Variants in AKT3 observed in about 807,000 individuals in gnomAD.
AKT3 encodes the protein RAC-gamma serine/threonine-protein kinase.
In AKT3, 15 loss-of-function variants were observed where a neutral mutation model predicts 65.3. That is an observed-to-expected ratio of 0.23 (90% CI 0.15 to 0.35). The LOEUF (loss-of-function observed/expected upper bound fraction) is 0.35, where lower values mean the gene tolerates loss of function less well. Among genes scored for constraint, AKT3 ranks in the 10% least tolerant of loss-of-function variants. The pLI is 1.00. For missense variants in AKT3, 243 were observed against 576.5 expected (o/e 0.42, Z 5.92); for synonymous variants, 206 against 183.8 (o/e 1.12, Z -0.98).
chr1:243,536,544 T>C (rs1671946852), intron 12 of AKT3, among the ~76,000 whole-genome samples: 1 of 152,234 alleles, frequency 6.6e-6, no homozygotes, highest in Admixed American at 6.5e-5. Flanking sequence ...TTGTTGCCTC[T>C]GTTTACTTTT....
intron 2 of AKT3, among the ~76,000 whole-genome samples, chr1:243,696,637 C>T (rs1212704340): frequency 6.6e-6 from 1 of 151,982 alleles, no homozygotes; most frequent in Non-Finnish European, 1.5e-5. Context: ...GTTCAATTTT[C>T]CCTACAAATC....
At chr1:243,845,071 T>A (rs1281200788) in intron 1 of AKT3, among the ~76,000 whole-genome samples, 2 of 152,150 alleles carry the variant, frequency 1.3e-5, no homozygotes, top group African/African-American at 4.8e-5. Flanking sequence ...GCAGTTAAGT[T>A]CAGTGTTAGA....
rs1669267629 is a variant in AKT3 at position 243,501,237 on chromosome 1, G to C, written c.*4012C>G. The C allele has an allele frequency of 4.3e-6, 1 of 232,870 alleles. No individual in the cohort carries two copies. Among genetic ancestry groups the C allele is most frequent in the Non-Finnish European group, 8.5e-6 (1 of 117,806 alleles). 14.4% of individuals were successfully genotyped at this position (232,870 alleles called of 1,614,324 possible). A position where few individuals can be genotyped will look rare whatever the true frequency, so the allele number is the denominator to read the frequency against. On this transcript the variant is annotated 3_prime_UTR_variant, in exon 14 of 14. Coordinates refer to ENST00000673466, the MANE Select transcript of AKT3 (RefSeq NM_005465.7). ...GGCCCCATCCAGAATGATTCAACGT[G>C]AAGTCAGACTGCAGTCCAGCCATCC...
intron 5 of AKT3, among the ~76,000 whole-genome samples, chr1:243,642,453 G>T (rs965945562): frequency 6.6e-6 from 1 of 151,978 alleles, no homozygotes; most frequent in African/African-American, 2.4e-5. Flanking sequence ...GGGACTACAG[G>T]CGCCCGCCAC....
chr1:243,784,147 T>C (rs1276670820), intron 2 of AKT3, among the ~76,000 whole-genome samples: 1 of 152,202 alleles, frequency 6.6e-6, no homozygotes, highest in African/African-American at 2.4e-5. Flanking sequence ...ATACTTTAGA[T>C]TGGGTGTTCT....
At chr1:243,586,493 G>A (rs759444074) in intron 8 of AKT3, among the ~76,000 whole-genome samples, 6 of 151,934 alleles carry the variant, frequency 3.9e-5, no homozygotes, top group Admixed American at 3.3e-4. Context: ...TGGATAGACC[G>A]GATTAAGAAA....
At chr1:243,848,086 A>C (rs1695593783) in intron 1 of AKT3, among the ~76,000 whole-genome samples, 1 of 152,178 alleles carries the variant, frequency 6.6e-6, no homozygotes, top group African/African-American at 2.4e-5. Flanking sequence ...CTGAAAACTA[A>C]AACCCTACAT....
chr1:243,659,847 T>C (rs1682140767), intron 4 of AKT3, among the ~76,000 whole-genome samples: 1 of 152,258 alleles, frequency 6.6e-6, no homozygotes, highest in East Asian at 1.9e-4. Flanking sequence ...AAGTCTTCAA[T>C]GATATTACAC....
chr1:243,628,319 A>T (rs1679338981), intron 6 of AKT3, among the ~76,000 whole-genome samples: 1 of 151,398 alleles, frequency 6.6e-6, no homozygotes, highest in Admixed American at 6.6e-5. Flanking sequence ...TTTTTTTGAG[A>T]CAGGGTCTCA....
intron 2 of AKT3, among the ~76,000 whole-genome samples, chr1:243,811,802 T>C (rs945093116): frequency 3.9e-5 from 6 of 152,178 alleles, no homozygotes; most frequent in African/African-American, 7.2e-5. Context: ...CAAAACAGCA[T>C]GGTACTGGTA....
intron 12 of AKT3, among the ~76,000 whole-genome samples, chr1:243,533,929 G>T (rs558121431): frequency 1.3e-5 from 2 of 152,334 alleles, no homozygotes; most frequent in East Asian, 3.9e-4. Flanking sequence ...GGCGGAGCTT[G>T]CAGTGAGCCC....
intron 12 of AKT3, 101 bp from the exon 13 acceptor site, chr1:243,512,527 A>G: frequency 1.4e-6 from 1 of 726,500 alleles, no homozygotes; most frequent in Non-Finnish European, 2.3e-6. Flanking sequence ...GAACAGAACA[A>G]AAGTCTACAA....
At chr1:243,602,173 G>T (rs984625969) in intron 8 of AKT3, among the ~76,000 whole-genome samples, 3 of 152,176 alleles carry the variant, frequency 2.0e-5, no homozygotes, top group Non-Finnish European at 4.4e-5. Flanking sequence ...TACATTTAAT[G>T]CAGTGAGATA....
At chr1:243,733,174 C>A (rs114671329) in intron 2 of AKT3, among the ~76,000 whole-genome samples, 1,719 of 152,294 alleles carry the variant, frequency 0.011, 49 homozygotes, top group African/African-American at 0.039. Context: ...ACAAACTAGA[C>A]TCCATTTAAA....
chr1:243,533,617 A>G (rs1012509737), intron 12 of AKT3, among the ~76,000 whole-genome samples: 1 of 152,222 alleles, frequency 6.6e-6, no homozygotes, highest in African/African-American at 2.4e-5. Context: ...TGCCTTATAC[A>G]ATGCTCAATT....
At chr1:243,815,373 A>C (rs1693444765) in intron 2 of AKT3, among the ~76,000 whole-genome samples, 1 of 152,152 alleles carries the variant, frequency 6.6e-6, no homozygotes, top group Non-Finnish European at 1.5e-5. Context: ...ACCACAGAAC[A>C]AGGATCCCCT....
chr1:243,579,885 A>G (rs1675206133), intron 8 of AKT3, among the ~76,000 whole-genome samples: 1 of 152,236 alleles, frequency 6.6e-6, no homozygotes, highest in Admixed American at 6.5e-5. Context: ...CTGAAGAAAC[A>G]TAAAATTTAA....
At chr1:243,706,511 T>A (rs1457941290) in intron 2 of AKT3, among the ~76,000 whole-genome samples, 1 of 152,210 alleles carries the variant, frequency 6.6e-6, no homozygotes, top group East Asian at 1.9e-4. Context: ...GACTTTATCT[T>A]AGACTCTTAC....
chr1:243,737,113 A>T (rs1224574528), intron 2 of AKT3, among the ~76,000 whole-genome samples: 1 of 152,114 alleles, frequency 6.6e-6, no homozygotes, highest in Non-Finnish European at 1.5e-5. Flanking sequence ...TTCACAGTGT[A>T]CCAGGCAACT....
Sources: gnomAD v4.1 joint callset for allele counts (sites outside exome capture counted in the v4.1 genomes callset) on GRCh38, gnomAD v4.1.1 for gene constraint, MANE v1.5 for transcripts, NCBI Gene and HGNC (gene_info 2026-07-23, HGNC 2026-07-21) for gene names.